CAPN8: variants seen among roughly 807,000 people sequenced by gnomAD.
CAPN8 encodes the protein calpain-8.
In CAPN8, 87 loss-of-function variants were observed where a neutral mutation model predicts 80.9. The observed-to-expected ratio is 1.07, with a 90% CI of 0.90 to 1.28. The LOEUF is 1.28. CAPN8 is among the 50% of genes most tolerant of loss of function. The pLI is 0.00. For missense variants in CAPN8, 757 were observed against 702.0 expected (o/e 1.08, Z -0.89); for synonymous variants, 299 against 273.8 (o/e 1.09, Z -0.91).
At chr1:223,610,848 G>A (rs1476684204) in intron 11 of CAPN8, among the ~76,000 whole-genome samples, 1 of 152,128 alleles carries the variant, frequency 6.6e-6, no homozygotes, top group Non-Finnish European at 1.5e-5. Context: ...TCTCAGTGTG[G>A]GATCAGGATC....
At chr1:223,653,048 G>A (rs1343636728) in intron 2 of CAPN8, among the ~76,000 whole-genome samples, 1 of 151,892 alleles carries the variant, frequency 6.6e-6, no homozygotes, top group African/African-American at 2.4e-5. Context: ...ACAAGGAGCT[G>A]TCTGAGGCGC....
chr1:223,625,019 A>G (rs926340539), intron 6 of CAPN8, among the ~76,000 whole-genome samples: 1 of 152,086 alleles, frequency 6.6e-6, no homozygotes, highest in Admixed American at 6.5e-5. Context: ...CGTGAACCCG[A>G]GAGGCGGAGC....
At chr1:223,642,675 T>G (rs1011921653) in intron 2 of CAPN8, 1 of 396,604 alleles carries the variant, frequency 2.5e-6, no homozygotes, top group African/African-American at 2.1e-5. Context: ...AAGCCATTTT[T>G]GCCTTACCTT....
intron 15 of CAPN8, among the ~76,000 whole-genome samples, 181 bp downstream of exon 15, chr1:223,550,779 C>T (rs368722561): frequency 2.0e-5 from 3 of 152,220 alleles, no homozygotes; most frequent in Non-Finnish European, 4.4e-5. Flanking sequence ...CTCGCCTCCC[C>T]GTCTTCTGCC....
chr1:223,655,180 C>T (rs1177312508), intron 1 of CAPN8, among the ~76,000 whole-genome samples: 1 of 152,196 alleles, frequency 6.6e-6, no homozygotes, highest in Non-Finnish European at 1.5e-5. Flanking sequence ...AAATGCTGTG[C>T]ACCCTGTGGG....
rs544828603 is a variant in CAPN8, at chr1:223,614,850, G to C, written c.1311+1120C>G. Among the ~76,000 whole-genome samples, 8 of 152,212 alleles carry C rather than the reference G, an allele frequency of 5.3e-5. No homozygotes were observed. The East Asian group carries it at 1.5e-3, about 29-fold the overall frequency. ...TTTTTATCTCTTCAAACAGAGTCTG[G>C]CTTTGTGCTACTTACATTCTAGGTG... On this transcript the variant is annotated intron_variant, in intron 10 of 20. Coordinates refer to ENST00000366872, the MANE Select transcript of CAPN8 (RefSeq NM_001143962.2).
intron 2 of CAPN8, among the ~76,000 whole-genome samples, chr1:223,652,815 G>T (rs116280472): frequency 1.3e-5 from 2 of 152,062 alleles, no homozygotes; most frequent in African/African-American, 4.8e-5. Context: ...AGGCTGCTGC[G>T]TTTGTTCTGA....
chr1:223,656,364 G>A (rs1488775271), intron 1 of CAPN8, among the ~76,000 whole-genome samples: 1 of 151,984 alleles, frequency 6.6e-6, no homozygotes, highest in African/African-American at 2.4e-5. Context: ...AGCTACTCAG[G>A]AGGCTGAGGC....
intron 8 of CAPN8, 88 bp from the exon 9 acceptor site, chr1:223,619,541 G>T: frequency 7.1e-7 from 1 of 1,415,394 alleles, no homozygotes; most frequent in Non-Finnish European, 9.6e-7. Context: ...GGAGCCCTGT[G>T]GCACAGGCCC....
At chr1:223,558,934 T>TGTGGTGTGTG in intron 12 of CAPN8, among the ~76,000 whole-genome samples, 1 of 18 alleles carries the variant, frequency 0.056, no homozygotes, top group African/African-American at 0.062. Flanking sequence ...GATGTTCATG[T>TGTGGTGTGTG]GNNNNNNNNN....
chr1:223,622,881 G>A lies in CAPN8; in HGVS notation c.833C>T (p.Pro278Leu), dbSNP rs749548352. 1.3e-6 allele frequency: 2 copies of A among 1,551,648 alleles called. No homozygotes were observed. Among genetic ancestry groups the A allele is most frequent in the South Asian group, 1.2e-5 (1 of 84,056 alleles). ...ATTCCTGAGTCTGATCAGCTTCTCTGGATGGCCCTGGAAATTCACCTGCAA... is the reference window on the plus strand; with the variant it reads ...ATTCCTGAGTCTGATCAGCTTCTCTAGATGGCCCTGGAAATTCACCTGCAA... ...GVEEVNFQGHPEKLIRLRNPW... is the reference protein window; with the variant it reads ...GVEEVNFQGHLEKLIRLRNPW... Residue 278 changes from proline to leucine, a missense_variant, in exon 7 of 21, where the codon CCA (proline) becomes CTA (leucine). By Grantham distance (98) the Pro-to-Leu change is moderately conservative (BLOSUM62 -3). Transcript: ENST00000366872.
At chr1:223,628,624 G>T in intron 3 of CAPN8, 38 bp downstream of exon 3, 1 of 1,502,382 alleles carries the variant, frequency 6.7e-7, no homozygotes, top group East Asian at 2.5e-5. Context: ...CTAAGAATAC[G>T]GAAAACAGCA....
chr1:223,643,021 T>C (rs894738098), intron 2 of CAPN8, among the ~76,000 whole-genome samples: 2 of 152,276 alleles, frequency 1.3e-5, no homozygotes, highest in African/African-American at 4.8e-5. Flanking sequence ...GAGGCTTATG[T>C]AAACACATCT....
chr1:223,551,296 C>A (rs1290434751), intron 14 of CAPN8, among the ~76,000 whole-genome samples: 1 of 152,198 alleles, frequency 6.6e-6, no homozygotes, highest in Non-Finnish European at 1.5e-5. Flanking sequence ...ATGCGTGCCA[C>A]CACGCCTGGC....
intron 2 of CAPN8, among the ~76,000 whole-genome samples, chr1:223,638,225 G>GT (rs759743621): frequency 8.5e-5 from 13 of 152,128 alleles, no homozygotes; most frequent in Non-Finnish European, 1.8e-4. Flanking sequence ...GTGATTTAAA[G>GT]TATATGGGAG....
At chr1:223,557,030 G>A (rs1004254289) in intron 13 of CAPN8, among the ~76,000 whole-genome samples, 20 of 152,174 alleles carry the variant, frequency 1.3e-4, no homozygotes, top group African/African-American at 4.8e-4. Context: ...ACCAACTCGA[G>A]GCAGGGGGCG....
chr1:223,627,017 G>T lies in CAPN8; in HGVS notation c.701C>A (p.Ala234Glu), dbSNP rs929198716. The T allele has an allele frequency of 6.4e-7, 1 of 1,551,832 alleles. No individual in the cohort carries two copies. The highest frequency in any genetic ancestry group is 2.0e-5 in the Admixed American group (1 of 51,000). ...LYQIIRKALC[A>E]GSLLGCSIDV... Reference sequence around the variant, plus strand: ...AATGGAGCAGCCCAGCAGAGACCCCGCACAGAGGGCCTTCCGGATGATCTG... The same window carrying T: ...AATGGAGCAGCCCAGCAGAGACCCCTCACAGAGGGCCTTCCGGATGATCTG... The change falls in exon 5 of 21, where the codon GCG (alanine) becomes GAG (glutamate). Residue 234 changes from alanine (A) to glutamate (E), a missense_variant. Physicochemically the swap from Ala to Glu is moderately radical, Grantham distance 107 (BLOSUM62 -1). Transcript: ENST00000366872.
At chr1:223,637,488 C>T (rs1386159622) in intron 2 of CAPN8, among the ~76,000 whole-genome samples, 2 of 152,178 alleles carry the variant, frequency 1.3e-5, no homozygotes, top group Admixed American at 1.3e-4. Flanking sequence ...GACCAGGTGG[C>T]ACATGGGACT....
intron 8 of CAPN8, 43 bp from the exon 9 acceptor site, chr1:223,619,496 GT>G: frequency 6.5e-7 from 1 of 1,549,180 alleles, no homozygotes; most frequent in Non-Finnish European, 8.7e-7. Context: ...AGAGGGCTGG[GT>G]TGTGATTAAA....
Sources: gnomAD v4.1 joint callset for allele counts (sites outside exome capture counted in the v4.1 genomes callset) on GRCh38, gnomAD v4.1.1 for gene constraint, MANE v1.5 for transcripts, NCBI Gene and HGNC (gene_info 2026-07-23, HGNC 2026-07-21) for gene names.